TG: variants seen among roughly 807,000 people sequenced by gnomAD.
TG encodes thyroglobulin.
TG carries 270 observed loss-of-function variants against 324.7 expected under a neutral mutation model. The observed-to-expected ratio is 0.83, with a 90% confidence interval of 0.75 to 0.92. The LOEUF (loss-of-function observed/expected upper bound fraction) is 0.92, where lower values mean the gene tolerates loss of function less well. TG is among the 40% of genes least tolerant of loss of function. TG has a pLI of 0.00. For missense variants in TG, 3,591 were observed against 3,456.4 expected, an observed-to-expected ratio of 1.04 and a Z score of -0.98; for synonymous variants, 1,401 against 1,327.0, an observed-to-expected ratio of 1.06 and a Z score of -1.21.
chr8:133,047,609 G>T, intron 41 of TG: 1 of 570,948 alleles, frequency 1.8e-6, no homozygotes, highest in Non-Finnish European at 3.2e-6. Context: ...ATGTTGGCCA[G>T]GCCCGTGGCA....
At chr8:133,080,323 AC>A (rs1845560770) in intron 41 of TG, among the ~76,000 whole-genome samples, 1 of 152,148 alleles carries the variant, frequency 6.6e-6, no homozygotes, top group Non-Finnish European at 1.5e-5. Flanking sequence ...ATGTATCTAG[AC>A]TTCACCTGAA....
intron 14 of TG, 77 bp downstream of exon 14, chr8:132,898,987 A>G: frequency 7.9e-7 from 1 of 1,260,788 alleles, no homozygotes; most frequent in Middle Eastern, 1.8e-4. Flanking sequence ...TTTGTTCAAT[A>G]CGTTCAGCTT....
rs112003182 is a variant in TG at position 132,933,606 on chromosome 8, C to A, written c.4862C>A (p.Thr1621Lys). 109 of 1,614,072 alleles carry A rather than the reference C, an allele frequency of 6.8e-5. No individual in the cohort carries two copies. In the African/African-American group the frequency reaches 1.0e-3, roughly 15 times the overall value. Residue 1621 changes from threonine (T) to lysine (K), a missense_variant, in exon 24 of 48, where the codon ACG becomes AAG. Transcript: ENST00000220616. ...TGCAGCTTCTTCACCGTGTCCACGA[C>A]GGAGCCAGAGATTTCCTGTGATTTC... Reference protein sequence around the residue: ...EACSFFTVSTTEPEISCDFYA... With the variant: ...EACSFFTVSTKEPEISCDFYA...
intron 20 of TG, among the ~76,000 whole-genome samples, chr8:132,917,082 C>CTTCCTTCATTCA (rs527581820): frequency 2.7e-5 from 3 of 109,748 alleles, no homozygotes; most frequent in Non-Finnish European, 5.8e-5. Flanking sequence ...TCCTTCCTTC[C>CTTCCTTCATTCA]TTCCCTTACT....
Position 133,112,784 on chromosome 8 carries a change from A to G in TG, c.7573-638A>G, listed in dbSNP as rs372361995. Among the ~76,000 whole-genome samples, 164 of 152,170 alleles carry G rather than the reference A, an allele frequency of 1.1e-3. 4 individuals carry two copies. In the South Asian group the frequency reaches 0.032, roughly 30 times the overall value. On this transcript the variant is annotated intron_variant, in intron 43 of 47. Transcript: ENST00000220616. ...CGTATATGGCCTTATATTTCTTTGT[A>G]GCACCTGTTCCCTGATATACCATAC... is the stretch of plus-strand genomic sequence containing the variant.
intron 35 of TG, among the ~76,000 whole-genome samples, chr8:132,990,348 A>G (rs1356406037): frequency 1.3e-5 from 2 of 152,094 alleles, no homozygotes; most frequent in Non-Finnish European, 1.5e-5. Context: ...TGGTATCTTA[A>G]TACATGTATA....
chr8:133,113,673 G>A (rs1188000935), intron 44 of TG, 70 bp downstream of exon 44: 6 of 1,551,576 alleles, frequency 3.9e-6, no homozygotes, highest in Non-Finnish European at 4.4e-6. Flanking sequence ...TGGTGTTCAG[G>A]TCATGAATGA....
chr8:133,015,430 G>A (rs1834938531), intron 37 of TG, among the ~76,000 whole-genome samples: 1 of 152,124 alleles, frequency 6.6e-6, no homozygotes, highest in Non-Finnish European at 1.5e-5. Context: ...GGCCTCTGTG[G>A]GTATTCTAGA....
chr8:132,932,130 G>A (rs1343183016), intron 23 of TG, among the ~76,000 whole-genome samples: 2 of 151,832 alleles, frequency 1.3e-5, no homozygotes, highest in African/African-American at 2.4e-5. Flanking sequence ...TTTTTGGGGG[G>A]GGTGTTCTGA....
chr8:132,999,248 G>A (rs113225216), intron 35 of TG, among the ~76,000 whole-genome samples: 3,246 of 152,078 alleles, frequency 0.021, 121 homozygotes, highest in African/African-American at 0.074. Flanking sequence ...CAGGCGGGCT[G>A]GCATTCTGCT....
At chr8:132,990,911 G>A (rs543912341) in intron 35 of TG, among the ~76,000 whole-genome samples, 2 of 131,830 alleles carry the variant, frequency 1.5e-5, no homozygotes, top group Non-Finnish European at 1.7e-5. Context: ...TAGTAGGAAG[G>A]CCAGTTTTTT....
At chr8:133,113,321 C>G in intron 43 of TG, 101 bp from the exon 44 acceptor site, 1 of 1,411,038 alleles carries the variant, frequency 7.1e-7, no homozygotes, top group South Asian at 1.2e-5. Flanking sequence ...CCATGCCCCA[C>G]TGCTTCCCAG....
At chr8:133,008,757 G>C (rs1157574056) in intron 35 of TG, among the ~76,000 whole-genome samples, 2 of 152,218 alleles carry the variant, frequency 1.3e-5, no homozygotes, top group African/African-American at 4.8e-5. Context: ...TGGATCGTCT[G>C]TTTCCTTGTC....
chr8:133,055,495 C>T (rs907120593), intron 41 of TG, among the ~76,000 whole-genome samples: 2 of 152,070 alleles, frequency 1.3e-5, no homozygotes, highest in African/African-American at 2.4e-5. Flanking sequence ...CACCATGAAC[C>T]AGGCTTGTGA....
intron 43 of TG, among the ~76,000 whole-genome samples, chr8:133,100,802 A>C (rs1399290164): frequency 6.6e-6 from 1 of 152,188 alleles, no homozygotes; most frequent in Non-Finnish European, 1.5e-5. Flanking sequence ...AATTCTACCC[A>C]CATTCTTTTT....
At chr8:133,038,846 A>C in intron 41 of TG, 1 of 650,670 alleles carries the variant, frequency 1.5e-6, no homozygotes, top group Non-Finnish European at 2.7e-6. Flanking sequence ...AAAAACAAAA[A>C]TCCTGGTGAC....
chr8:133,017,258 T>TC (rs1835120757), intron 37 of TG, among the ~76,000 whole-genome samples: 1 of 149,462 alleles, frequency 6.7e-6, no homozygotes, highest in East Asian at 1.9e-4. Flanking sequence ...GTCCTAAAAG[T>TC]CTTTTTTTTT....
Position 133,026,874 on chromosome 8 carries a change from C to G in TG, c.7037-2947C>G, listed in dbSNP as rs148350587. Among the ~76,000 whole-genome samples the G allele has an allele frequency of 4.3e-3, 651 of 152,326 alleles. 7 individuals carry two copies. The highest frequency in any genetic ancestry group is 0.015 in the African/African-American group (618 of 41,584). ...CATAACGTTAGAACCTACACTTGTTCTATTTTATTAAAAATTAATCTTCTA... is the reference window on the plus strand; with the variant it reads ...CATAACGTTAGAACCTACACTTGTTGTATTTTATTAAAAATTAATCTTCTA... On this transcript the variant is annotated intron_variant, in intron 40 of 47. Coordinates refer to ENST00000220616, the MANE Select transcript of TG (RefSeq NM_003235.5).
chr8:133,020,572 A>C (rs551998566), intron 39 of TG, among the ~76,000 whole-genome samples: 1 of 152,126 alleles, frequency 6.6e-6, no homozygotes, highest in African/African-American at 2.4e-5. Flanking sequence ...TGAACTCAAG[A>C]CCACTCAGGC....
Sources: allele counts gnomAD v4.1 joint callset (sites outside exome capture counted in the v4.1 genomes callset), GRCh38; gene constraint gnomAD v4.1.1; transcripts MANE v1.5; gene names NCBI Gene and HGNC (gene_info 2026-07-23, HGNC 2026-07-21).